Variants in USP32 observed in about 807,000 individuals in gnomAD.
The protein encoded by USP32 is ubiquitin specific peptidase 32.
Under a neutral mutation model 204.8 loss-of-function variants are expected in USP32, and 59 were observed. That is an observed-to-expected ratio of 0.29 (90% CI 0.23 to 0.36). The LOEUF is 0.36. Ranked by LOEUF, USP32 falls within the 10% of genes least tolerant of loss-of-function variation. The probability of loss-of-function intolerance (pLI) is 1.00; values close to 1 mark genes in which losing one functional copy is unlikely to be tolerated. For synonymous variants in USP32, 517 were observed against 678.4 expected, an observed-to-expected ratio of 0.76 and a Z score of 3.70; for missense variants, 1,160 against 1,946.4, an observed-to-expected ratio of 0.60 and a Z score of 7.60.
At chr17:60,261,393 T>A (rs1466889069) in intron 9 of USP32, among the ~76,000 whole-genome samples, 1 of 152,306 alleles carries the variant, frequency 6.6e-6, no homozygotes. Context: ...ACACTTGTAA[T>A]CCTAGCACTT....
intron 2 of USP32, among the ~76,000 whole-genome samples, chr17:60,342,565 G>A (rs1204656779): frequency 6.6e-6 from 1 of 152,218 alleles, no homozygotes; most frequent in Non-Finnish European, 1.5e-5. Context: ...GCCTTGCTGA[G>A]CTGCAGTGGG....
At chr17:60,268,737 T>C in intron 7 of USP32, among the ~76,000 whole-genome samples, 1 of 152,322 alleles carries the variant, frequency 6.6e-6, no homozygotes, top group Admixed American at 6.5e-5. Flanking sequence ...TATACCTTCA[T>C]AATAGAATTA....
chr17:60,192,508 C>G (rs1330983148), intron 28 of USP32, among the ~76,000 whole-genome samples: 1 of 152,106 alleles, frequency 6.6e-6, no homozygotes, highest in African/African-American at 2.4e-5. Flanking sequence ...GACCTTGGCT[C>G]ACTGGAACCG....
intron 1 of USP32, among the ~76,000 whole-genome samples, chr17:60,358,926 C>T (rs2089146458): frequency 6.6e-6 from 1 of 152,204 alleles, no homozygotes; most frequent in Admixed American, 6.5e-5. Context: ...TGTTATAACA[C>T]ACAATAAATT....
chr17:60,363,155 T>TA (rs896107148), intron 1 of USP32, among the ~76,000 whole-genome samples: 1 of 151,134 alleles, frequency 6.6e-6, no homozygotes, highest in Non-Finnish European at 1.5e-5. Context: ...TTTTTTAAAT[T>TA]AAAAAAAAAT....
chr17:60,398,231 C>CA (rs995628995), intron 1 of USP32, among the ~76,000 whole-genome samples: 4 of 151,876 alleles, frequency 2.6e-5, no homozygotes, highest in Non-Finnish European at 5.9e-5. Context: ...CTAGCCATCT[C>CA]AAAAAATCTT....
intron 1 of USP32, among the ~76,000 whole-genome samples, chr17:60,350,364 CT>C (rs1289259711): frequency 6.6e-6 from 1 of 152,188 alleles, no homozygotes; most frequent in African/African-American, 2.4e-5. Flanking sequence ...TCTTGGCTCA[CT>C]GCAACCTCCA....
At chr17:60,404,932 T>G (rs1350837675) in intron 1 of USP32, among the ~76,000 whole-genome samples, 3 of 152,132 alleles carry the variant, frequency 2.0e-5, no homozygotes, top group Admixed American at 2.0e-4. Context: ...ATCCCAGCAC[T>G]TTGGGAGGCC....
rs563206430 is a variant in USP32, at chr17:60,288,483, A to T, written c.571+40T>A. On this transcript the variant is annotated intron_variant, in intron 5 of 33. Coordinates refer to ENST00000300896, the MANE Select transcript of USP32 (RefSeq NM_032582.4). The stretch of plus-strand genomic sequence containing the variant: ...ATATTACCAGCCAATTATATATATA[A>T]AAAAAGGCAAACAGAAAACAATGAA... The T allele has an allele frequency of 3.3e-5, 51 of 1,557,282 alleles. 1 individual carries two copies. The South Asian group carries it at 4.5e-4, about 14-fold the overall frequency.
intron 15 of USP32, among the ~76,000 whole-genome samples, chr17:60,220,999 A>G (rs1436687658): frequency 6.6e-6 from 1 of 152,140 alleles, no homozygotes; most frequent in Non-Finnish European, 1.5e-5. Flanking sequence ...TTTAAGTCTC[A>G]GGTGACCAGG....
chr17:60,401,497 C>T (rs766163317), intron 1 of USP32, among the ~76,000 whole-genome samples: 1 of 152,058 alleles, frequency 6.6e-6, no homozygotes, highest in Non-Finnish European at 1.5e-5. Flanking sequence ...TATCAATGTG[C>T]AATACTTGAC....
intron 1 of USP32, among the ~76,000 whole-genome samples, chr17:60,371,647 C>G (rs546965037): frequency 2.2e-4 from 34 of 151,842 alleles, no homozygotes; most frequent in South Asian, 2.1e-3. Flanking sequence ...ATCACTTAGT[C>G]AAGGAAATGC....
chr17:60,184,729 G>A (rs1238739584), intron 30 of USP32, among the ~76,000 whole-genome samples: 1 of 150,134 alleles, frequency 6.7e-6, no homozygotes, highest in Non-Finnish European at 1.5e-5. Context: ...AGAATCACTT[G>A]AGCCCGAGAG....
At chr17:60,185,760 A>G in intron 29 of USP32, 109 bp from the exon 30 acceptor site, 1 of 1,309,096 alleles carries the variant, frequency 7.6e-7, no homozygotes, top group Non-Finnish European at 1.0e-6. Context: ...ACTCTATATA[A>G]GGAAAAAGAA....
At chr17:60,349,578 G>GA (rs757370384) in intron 1 of USP32, among the ~76,000 whole-genome samples, 690 of 27,704 alleles carry the variant, frequency 0.025, 45 homozygotes, top group Non-Finnish European at 0.033. Flanking sequence ...TGTCTCAAAA[G>GA]AAAAAAAAAA....
chr17:60,224,740 G>A (rs2085339755), intron 13 of USP32, among the ~76,000 whole-genome samples: 1 of 152,208 alleles, frequency 6.6e-6, no homozygotes, highest in Non-Finnish European at 1.5e-5. Context: ...CTATGATCAT[G>A]CCATTGCACT....
At chr17:60,221,171 G>A (rs189326131) in intron 15 of USP32, among the ~76,000 whole-genome samples, 136 of 152,040 alleles carry the variant, frequency 8.9e-4, no homozygotes, top group Middle Eastern at 3.4e-3. Context: ...AGGCAGAAGG[G>A]CTGCTTGAGA....
At chr17:60,381,311 C>T (rs1415761743) in intron 1 of USP32, among the ~76,000 whole-genome samples, 1 of 151,966 alleles carries the variant, frequency 6.6e-6, no homozygotes, top group Non-Finnish European at 1.5e-5. Context: ...GTGTGGTCCA[C>T]ACATCTGGAG....
intron 1 of USP32, among the ~76,000 whole-genome samples, chr17:60,406,367 A>C (rs1598320754): frequency 6.8e-6 from 1 of 147,054 alleles, no homozygotes; most frequent in African/African-American, 2.5e-5. Flanking sequence ...TTAGTAGAGA[A>C]AGGGTTTTGC....
Sources: gnomAD v4.1 joint callset for allele counts (sites outside exome capture counted in the v4.1 genomes callset) on GRCh38, gnomAD v4.1.1 for gene constraint, MANE v1.5 for transcripts, NCBI Gene and HGNC (gene_info 2026-07-23, HGNC 2026-07-21) for gene names.